BMAL2: variants seen among roughly 807,000 people sequenced by gnomAD.
The protein encoded by BMAL2 is basic helix-loop-helix ARNT like 2.
At chr12:27,419,943 G>A in the BMAL2 span, among the ~76,000 whole-genome samples, 1 of 151,092 alleles carries the variant, frequency 6.6e-6, no homozygotes, top group Non-Finnish European at 1.5e-5. Context: ...TCTGTCTCAG[G>A]CTTCTCATTT....
At chr12:27,374,004 A>G in the BMAL2 span, among the ~76,000 whole-genome samples, 1 of 152,230 alleles carries the variant, frequency 6.6e-6, no homozygotes, top group African/African-American at 2.4e-5. Context: ...TTGTTTGACT[A>G]AGAAGATCTT....
At chr12:27,368,352 T>C in the BMAL2 span, 12 of 1,614,092 alleles carry the variant, frequency 7.4e-6, no homozygotes, top group Non-Finnish European at 8.5e-6. Flanking sequence ...ATGGGGTCTT[T>C]CAGCTCACAC....
At chr12:27,390,269 AG>A in the BMAL2 span, 1 of 1,604,352 alleles carries the variant, frequency 6.2e-7, no homozygotes, top group Non-Finnish European at 8.5e-7. Context: ...AGTGATGCAA[AG>A]CATGGCTATA....
chr12:27,404,452 C>T, the BMAL2 span, among the ~76,000 whole-genome samples: 1 of 151,928 alleles, frequency 6.6e-6, no homozygotes, highest in Non-Finnish European at 1.5e-5. Flanking sequence ...TTAAAAATGA[C>T]ACCTTAAATC....
the BMAL2 span, among the ~76,000 whole-genome samples, chr12:27,386,302 A>C: frequency 6.6e-6 from 1 of 152,172 alleles, no homozygotes; most frequent in Admixed American, 6.5e-5. Flanking sequence ...CAATCTGTAC[A>C]TGCTCGTCAG....
At chr12:27,396,112 C>T in the BMAL2 span, among the ~76,000 whole-genome samples, 2 of 152,256 alleles carry the variant, frequency 1.3e-5, no homozygotes, top group South Asian at 2.1e-4. Flanking sequence ...AGGTAGACCC[C>T]TATACAACAT....
At chr12:27,373,417 T>C in the BMAL2 span, among the ~76,000 whole-genome samples, 1 of 152,142 alleles carries the variant, frequency 6.6e-6, no homozygotes, top group Non-Finnish European at 1.5e-5. Context: ...AAATGAGGAT[T>C]TGGAGCTCAG....
chr12:27,365,866 TTTTC>T, the BMAL2 span, among the ~76,000 whole-genome samples: 2 of 151,734 alleles, frequency 1.3e-5, no homozygotes, highest in Admixed American at 6.6e-5. Context: ...GGTCTTATGA[TTTTC>T]TTTCTTCTAG....
At chr12:27,343,811 T>G in the BMAL2 span, among the ~76,000 whole-genome samples, 1 of 152,226 alleles carries the variant, frequency 6.6e-6, no homozygotes, top group African/African-American at 2.4e-5. Flanking sequence ...GGAATGGTCA[T>G]AGTCAGGGAA....
chr12:27,347,516 G>C, the BMAL2 span, among the ~76,000 whole-genome samples: 1 of 152,126 alleles, frequency 6.6e-6, no homozygotes, highest in African/African-American at 2.4e-5. Flanking sequence ...GTAGGTGCTT[G>C]AGGAATATTT....
chr12:27,349,276 T>G, the BMAL2 span, among the ~76,000 whole-genome samples: 34 of 152,340 alleles, frequency 2.2e-4, no homozygotes, highest in East Asian at 6.2e-3. Context: ...TAACCAAACC[T>G]GTTGTACAAT....
chr12:27,352,833 A>C, the BMAL2 span, among the ~76,000 whole-genome samples: 4 of 152,292 alleles, frequency 2.6e-5, no homozygotes, highest in East Asian at 5.8e-4. Flanking sequence ...CTCATTCACA[A>C]TAGCCGTTAA....
At chr12:27,394,880 GGGAA>G in the BMAL2 span, among the ~76,000 whole-genome samples, 1 of 152,356 alleles carries the variant, frequency 6.6e-6, no homozygotes, top group East Asian at 1.9e-4. Context: ...CAGTGAGCAA[GGGAA>G]GGCCATGTGA....
At chr12:27,367,697 A>T in the BMAL2 span, among the ~76,000 whole-genome samples, 1 of 151,952 alleles carries the variant, frequency 6.6e-6, no homozygotes, top group East Asian at 1.9e-4. Flanking sequence ...TTAATACTTG[A>T]GTGTACACAA....
chr12:27,391,840 G>C, the BMAL2 span, among the ~76,000 whole-genome samples: 2 of 152,170 alleles, frequency 1.3e-5, no homozygotes, highest in Non-Finnish European at 2.9e-5. Flanking sequence ...ATCTGTTTGA[G>C]GGCCATCTGT....
chr12:27,401,371 T>C, the BMAL2 span: 1 of 1,603,122 alleles, frequency 6.2e-7, no homozygotes, highest in Non-Finnish European at 8.5e-7. Flanking sequence ...CAGGTAGGTA[T>C]GCATTGAGCA....
chr12:27,420,713 A>G, the BMAL2 span: 4 of 658,692 alleles, frequency 6.1e-6, 1 homozygote, highest in South Asian at 1.7e-4. Flanking sequence ...TTTCCTCCCA[A>G]GAGAACCAAG....
the BMAL2 span, among the ~76,000 whole-genome samples, chr12:27,353,504 A>G: frequency 6.6e-6 from 1 of 152,230 alleles, no homozygotes; most frequent in African/African-American, 2.4e-5. Context: ...ACCATTCTTG[A>G]TGTAGGCCTT....
At chr12:27,372,066 TAAAAATACA>T in the BMAL2 span, among the ~76,000 whole-genome samples, 1 of 152,068 alleles carries the variant, frequency 6.6e-6, no homozygotes, top group Non-Finnish European at 1.5e-5. Context: ...CCATCTCTAC[TAAAAATACA>T]AAAAAATTAG....
Sources: allele counts gnomAD v4.1 joint callset (sites outside exome capture counted in the v4.1 genomes callset), GRCh38; gene constraint gnomAD v4.1.1; transcripts MANE v1.5; gene names NCBI Gene and HGNC (gene_info 2026-07-23, HGNC 2026-07-21).